SEMA5A: variants seen among roughly 807,000 people sequenced by gnomAD.
The protein encoded by SEMA5A is semaphorin-5A.
Under a neutral mutation model 135.5 loss-of-function variants are expected in SEMA5A, and 55 were observed. That is an observed-to-expected ratio of 0.41 (90% CI 0.33 to 0.51). The LOEUF is 0.51. SEMA5A is among the 20% of genes least tolerant of loss of function. The pLI, the probability that SEMA5A is intolerant of heterozygous loss-of-function variation, is 0.37. For synonymous variants in SEMA5A, 580 were observed against 546.5 expected (o/e 1.06, Z -0.85); for missense variants, 1,290 against 1,419.9 (o/e 0.91, Z 1.47).
intron 8 of SEMA5A, among the ~76,000 whole-genome samples, chr5:9,205,952 C>T (rs781467524): frequency 6.6e-6 from 1 of 152,166 alleles, no homozygotes; most frequent in African/African-American, 2.4e-5. Flanking sequence ...AATTGTAAGA[C>T]AGACAGTCAA....
intron 2 of SEMA5A, among the ~76,000 whole-genome samples, chr5:9,407,533 A>T (rs1215096290): frequency 6.6e-6 from 1 of 152,240 alleles, no homozygotes; most frequent in Non-Finnish European, 1.5e-5. Flanking sequence ...CTAAAACTTA[A>T]GCAGGAACCA....
intron 1 of SEMA5A, among the ~76,000 whole-genome samples, chr5:9,501,991 A>G (rs1735620982): frequency 6.6e-6 from 1 of 152,208 alleles, no homozygotes; most frequent in Non-Finnish European, 1.5e-5. Flanking sequence ...TGAGGTATCT[A>G]TATTTTTTTG....
At chr5:9,059,422 G>A (rs1352600673) in intron 18 of SEMA5A, among the ~76,000 whole-genome samples, 1 of 152,024 alleles carries the variant, frequency 6.6e-6, no homozygotes, top group Non-Finnish European at 1.5e-5. Context: ...CCCACAGAAG[G>A]TGAAAAAAAT....
chr5:9,497,229 C>G (rs962401387), intron 1 of SEMA5A, among the ~76,000 whole-genome samples: 4 of 152,148 alleles, frequency 2.6e-5, no homozygotes, highest in Non-Finnish European at 2.9e-5. Flanking sequence ...GAGTAACCAG[C>G]CTCTATATAG....
At chr5:9,374,090 G>A (rs535432924) in intron 3 of SEMA5A, among the ~76,000 whole-genome samples, 1 of 152,332 alleles carries the variant, frequency 6.6e-6, no homozygotes, top group South Asian at 2.1e-4. Flanking sequence ...TGTGAACGGT[G>A]CATCTGTAAT....
At chr5:9,142,646 A>G in intron 12 of SEMA5A, among the ~76,000 whole-genome samples, 1 of 152,148 alleles carries the variant, frequency 6.6e-6, no homozygotes, top group East Asian at 1.9e-4. Flanking sequence ...TTCATAAGCT[A>G]TTCTTGTACT....
intron 1 of SEMA5A, among the ~76,000 whole-genome samples, chr5:9,495,619 G>C (rs1429316242): frequency 6.6e-6 from 1 of 152,178 alleles, no homozygotes; most frequent in Admixed American, 6.5e-5. Context: ...CCCTCAACAA[G>C]ACTATAGTGA....
intron 5 of SEMA5A, among the ~76,000 whole-genome samples, chr5:9,289,253 A>G (rs1481152471): frequency 1.3e-5 from 2 of 152,262 alleles, no homozygotes; most frequent in African/African-American, 4.8e-5. Context: ...TTGATATTAT[A>G]AAGTAAATAT....
chr5:9,202,239 C>A lies in SEMA5A; in HGVS notation c.648G>T (p.Glu216Asp). 6.2e-7 allele frequency: 1 copy of A among 1,611,694 alleles called. No individual in the cohort carries two copies. Among genetic ancestry groups the A allele is most frequent in the Non-Finnish European group, 8.5e-7 (1 of 1,178,300 alleles). ...TAQYNSKWLN[E>D]PNFVSSYDIG... Reference sequence around the variant, plus strand: ...TGTCATAAGATGACACAAAGTTTGGCTCTGGAAACAATAGAAAAGAGGGAA... The same window carrying A: ...TGTCATAAGATGACACAAAGTTTGGATCTGGAAACAATAGAAAAGAGGGAA... Residue 216 changes from glutamate (E) to aspartate (D), a missense_variant and splice_region_variant, in exon 9 of 23, where the codon GAG (glutamate) becomes GAT (aspartate). Glu to Asp is a conservative substitution (Grantham distance 45, BLOSUM62 2). Transcript: ENST00000382496.
intron 16 of SEMA5A, among the ~76,000 whole-genome samples, chr5:9,095,856 G>T (rs945527849): frequency 6.6e-6 from 1 of 152,216 alleles, no homozygotes; most frequent in African/African-American, 2.4e-5. Flanking sequence ...TATTTTGAAA[G>T]TCTCTGGCTG....
chr5:9,224,203 A>T (rs78030930), intron 8 of SEMA5A, among the ~76,000 whole-genome samples: 2,398 of 152,282 alleles, frequency 0.016, 70 homozygotes, highest in African/African-American at 0.055. Context: ...TAAGTATGTG[A>T]GTTGATACAT....
intron 16 of SEMA5A, among the ~76,000 whole-genome samples, chr5:9,088,999 T>A (rs1425250947): frequency 6.6e-6 from 1 of 152,146 alleles, no homozygotes; most frequent in African/African-American, 2.4e-5. Flanking sequence ...TAAGATTCTG[T>A]TCTCCTAAAT....
intron 1 of SEMA5A, among the ~76,000 whole-genome samples, chr5:9,451,905 C>T (rs1037825599): frequency 2.0e-5 from 3 of 152,118 alleles, no homozygotes; most frequent in Non-Finnish European, 2.9e-5. Flanking sequence ...GAGGAAACAA[C>T]AAGTAAGGAC....
At position 9,052,066 on chromosome 5, in the gene SEMA5A, C is replaced by A; in HGVS notation, c.2690-38G>T. ...GAAAAGGGGAGATGGGGCGGAATGG[C>A]CAGTAAGCTCAATCATCCTAGACTC... is the stretch of plus-strand genomic sequence containing the variant. On this transcript the variant is annotated intron_variant, in intron 19 of 22. Transcript: ENST00000382496. 5 of 1,521,796 alleles carry A rather than the reference C, an allele frequency of 3.3e-6. No individual in the cohort carries two copies. In the South Asian group the frequency reaches 3.9e-5, roughly 12 times the overall value. 94.3% of individuals were successfully genotyped at this position (1,521,796 alleles called of 1,614,324 possible).
At chr5:9,425,352 C>T (rs1206232542) in intron 2 of SEMA5A, among the ~76,000 whole-genome samples, 1 of 152,292 alleles carries the variant, frequency 6.6e-6, no homozygotes, top group Admixed American at 6.5e-5. Context: ...TGCCTAAAAC[C>T]GAGGCTCACA....
At chr5:9,275,254 C>G (rs890635524) in intron 5 of SEMA5A, among the ~76,000 whole-genome samples, 2 of 151,488 alleles carry the variant, frequency 1.3e-5, no homozygotes, top group Admixed American at 1.3e-4. Flanking sequence ...AGTTCCTGGA[C>G]ACATACACCC....
In SEMA5A at chr5:9,535,092, G is replaced by C. The variant is rs535784188; in HGVS notation, c.-175+10492C>G. Among the ~76,000 whole-genome samples the C allele has an allele frequency of 7.2e-5, 11 of 152,328 alleles. 1 individual carries two copies. The South Asian group carries it at 2.3e-3, about 32-fold the overall frequency. On this transcript the variant is annotated intron_variant, in intron 1 of 22. Transcript: ENST00000382496. ...GCCCTTCTGCTCTTCCCACCTCCCA[G>C]CTTCATCCTGAAGATCCTCGCTGTG... is the stretch of plus-strand genomic sequence containing the variant.
chr5:9,208,840 T>C (rs1020145171), intron 8 of SEMA5A, among the ~76,000 whole-genome samples: 2 of 152,046 alleles, frequency 1.3e-5, no homozygotes, highest in Non-Finnish European at 2.9e-5. Context: ...TGGGATGGGG[T>C]AGGAAGTTGG....
intron 2 of SEMA5A, among the ~76,000 whole-genome samples, chr5:9,429,221 G>T (rs1043095075): frequency 3.9e-5 from 6 of 152,148 alleles, no homozygotes; most frequent in Admixed American, 6.6e-5. Flanking sequence ...TGATTGGGGT[G>T]GGGGAGGAAG....
Sources: gnomAD v4.1 joint callset for allele counts (sites outside exome capture counted in the v4.1 genomes callset) on GRCh38, gnomAD v4.1.1 for gene constraint, MANE v1.5 for transcripts, NCBI Gene and HGNC (gene_info 2026-07-23, HGNC 2026-07-21) for gene names.